ZNF676: variants seen among roughly 807,000 people sequenced by gnomAD.
The protein encoded by ZNF676 is zinc finger protein 676.
Under a neutral mutation model 6.0 loss-of-function variants are expected in ZNF676, and 4 were observed. That is an observed-to-expected ratio of 0.67 (90% confidence interval 0.33 to 1.53). ZNF676 has a LOEUF of 1.53. ZNF676 is among the 40% of genes most tolerant of loss of function. The pLI is 0.06. For missense variants in ZNF676, 644 were observed against 679.7 expected (o/e 0.95, Z 0.58); for synonymous variants, 198 against 223.1 (o/e 0.89, Z 1.00).
At chr19:22,201,962 A>G (rs2024030431) in intron 1 of ZNF676, among the ~76,000 whole-genome samples, 1 of 152,164 alleles carries the variant, frequency 6.6e-6, no homozygotes, top group Admixed American at 6.5e-5. Flanking sequence ...AAGAAAAGGG[A>G]GAAAAACATA....
At chr19:22,235,121 CAGGAAGGA>C in the ZNF676 span, among the ~76,000 whole-genome samples, 505 of 131,786 alleles carry the variant, frequency 3.8e-3, 2 homozygotes, top group Admixed American at 0.012. Flanking sequence ...GGCAGGAAGG[CAGGAAGGA>C]AGGAAGGAAG....
At chr19:22,216,009 A>G (rs2024184681), upstream of ZNF676, among the ~76,000 whole-genome samples, 1 of 152,234 alleles carries the variant, frequency 6.6e-6, no homozygotes, top group Non-Finnish European at 1.5e-5. Flanking sequence ...GCATGGGAAA[A>G]TTCTATCTCT....
chr19:22,204,578 A>T (rs564785116), intron 1 of ZNF676, among the ~76,000 whole-genome samples: 1 of 152,318 alleles, frequency 6.6e-6, no homozygotes, highest in African/African-American at 2.4e-5. Context: ...TGGCTTTCGC[A>T]GTGTAAGTAT....
At chr19:22,220,728 A>T (rs2024240932), upstream of ZNF676, among the ~76,000 whole-genome samples, 1 of 152,140 alleles carries the variant, frequency 6.6e-6, no homozygotes, top group Admixed American at 6.6e-5. Context: ...AAGTGCTAGG[A>T]TTACAGGCAT....
At chr19:22,215,850 T>C (rs1287920954), upstream of ZNF676, among the ~76,000 whole-genome samples, 1 of 147,924 alleles carries the variant, frequency 6.8e-6, no homozygotes, top group Non-Finnish European at 1.5e-5. Context: ...GCATCCCTGA[T>C]TGGATAATGT....
At chr19:22,253,355 T>G in the ZNF676 span, among the ~76,000 whole-genome samples, 8 of 22,084 alleles carry the variant, frequency 3.6e-4, no homozygotes, top group African/African-American at 9.0e-4. Flanking sequence ...TGATAATGGG[T>G]GTGTGTGTGT....
In ZNF676 at chr19:22,181,416, G is replaced by A. The variant is rs769121807; in HGVS notation, c.301C>T (p.Leu101Phe). The change falls in exon 3 of 3, where the codon CTT becomes TTT. Residue 101 changes from leucine (L) to phenylalanine (F), a missense_variant. By Grantham distance (22) the Leu-to-Phe change is conservative. Transcript: ENST00000397121. ...CNVHKEGYNK[L>F]NQSLTTTQSK... is the part of the protein sequence containing the mutation. ...TGTGTAGTTGTTAAACTCTGGTTAAGTTTATTATAACCTTCTTTGTGCACG... is the reference window on the plus strand; with the variant it reads ...TGTGTAGTTGTTAAACTCTGGTTAAATTTATTATAACCTTCTTTGTGCACG... The A allele has an allele frequency of 1.2e-6, 2 of 1,613,644 alleles. No individual in the cohort carries two copies. Among genetic ancestry groups the A allele is most frequent in the South Asian group, 2.2e-5 (2 of 91,054 alleles).
chr19:22,256,627 C>T, the ZNF676 span, among the ~76,000 whole-genome samples: 3 of 152,128 alleles, frequency 2.0e-5, no homozygotes, highest in Non-Finnish European at 2.9e-5. Context: ...AGGACGCATG[C>T]ATGTGCCTCC....
chr19:22,228,360 A>T, the ZNF676 span, among the ~76,000 whole-genome samples: 1 of 152,212 alleles, frequency 6.6e-6, no homozygotes, highest in East Asian at 1.9e-4. Context: ...ATATCTCAAA[A>T]TAATAAAAGC....
chr19:22,198,714 G>A (rs558182610), upstream of ZNF676, among the ~76,000 whole-genome samples: 1 of 152,210 alleles, frequency 6.6e-6, no homozygotes, highest in South Asian at 2.1e-4. Context: ...CTTTATAGCA[G>A]AAGAGATGAA....
In ZNF676 at chr19:22,180,516, CT is replaced by C; in HGVS notation, c.1200del (p.Ala401LeufsTer97). On this transcript the variant is annotated frameshift_variant, in exon 3 of 3. Transcript: ENST00000397121. LOFTEE classifies it low-confidence loss of function (END_TRUNC). ...EKPYKCEECG[K>X]ASNSSSKLME... ...ATGAGCTTTGAGGATGAGTTGGAAG[CT>C]TTGCCACATTCTTCACATTTGTAGG... is the stretch of plus-strand genomic sequence containing the variant. 1 of 1,609,572 alleles carries C rather than the reference CT, an allele frequency of 6.2e-7. No homozygotes were observed. The highest frequency in any genetic ancestry group is 8.5e-7 in the Non-Finnish European group (1 of 1,179,478).
chr19:22,209,482 G>A lies in ZNF676; in HGVS notation c.3+6150C>T, dbSNP rs538003829. The stretch of plus-strand genomic sequence containing the variant: ...ACACATGAACACAGAGGGGAAAAAA[G>A]ACACTGAGGCCTAGTTGAGGGTGGG... On this transcript the variant is annotated intron_variant, in intron 1 of 3. Coordinates refer to the ZNF676 transcript ENST00000650058. Among the ~76,000 whole-genome samples the A allele has an allele frequency of 4.6e-5, 7 of 152,158 alleles. No individual in the cohort carries two copies. In the East Asian group the frequency reaches 1.4e-3, roughly 29 times the overall value.
At chr19:22,230,945 A>G in the ZNF676 span, among the ~76,000 whole-genome samples, 1 of 151,904 alleles carries the variant, frequency 6.6e-6, no homozygotes, top group Non-Finnish European at 1.5e-5. Flanking sequence ...GGCATGAGCC[A>G]CTGTGCCTGG....
At chr19:22,191,958 C>T (rs1279646156) in intron 2 of ZNF676, among the ~76,000 whole-genome samples, 1 of 152,180 alleles carries the variant, frequency 6.6e-6, no homozygotes, top group East Asian at 1.9e-4. Context: ...TCTATCTTAA[C>T]ACAGCACTTG....
chr19:22,211,396 T>C (rs368572308), intron 1 of ZNF676, among the ~76,000 whole-genome samples: 65 of 152,284 alleles, frequency 4.3e-4, no homozygotes, highest in African/African-American at 1.5e-3. Flanking sequence ...CTTGCAGTCA[T>C]TGGGCTCAAG....
intron 1 of ZNF676, 56 bp from the exon 2 acceptor site, chr19:22,193,167 T>C: frequency 6.6e-7 from 1 of 1,504,994 alleles, no homozygotes; most frequent in Non-Finnish European, 8.9e-7. Flanking sequence ...AATTACCAAC[T>C]TAGTAATGTG....
At chr19:22,213,048 T>A (rs1435611289) in intron 1 of ZNF676, among the ~76,000 whole-genome samples, 1 of 152,084 alleles carries the variant, frequency 6.6e-6, no homozygotes, top group Admixed American at 6.5e-5. Flanking sequence ...ACAAATCATT[T>A]AATCGTTTCA....
At chr19:22,238,668 A>G in the ZNF676 span, among the ~76,000 whole-genome samples, 2 of 152,164 alleles carry the variant, frequency 1.3e-5, no homozygotes, top group African/African-American at 2.4e-5. Flanking sequence ...ATATATACAT[A>G]TATGTTAATT....
At chr19:22,258,561 T>C in the ZNF676 span, among the ~76,000 whole-genome samples, 1 of 152,142 alleles carries the variant, frequency 6.6e-6, no homozygotes, top group African/African-American at 2.4e-5. Context: ...ACATCACCTA[T>C]GTAATGGTCA....
Sources: gnomAD v4.1 joint callset for allele counts (sites outside exome capture counted in the v4.1 genomes callset) on GRCh38, gnomAD v4.1.1 for gene constraint, MANE v1.5 for transcripts, NCBI Gene and HGNC (gene_info 2026-07-23, HGNC 2026-07-21) for gene names.